TANC2: variants seen among roughly 807,000 people sequenced by gnomAD.
The protein encoded by TANC2 is protein TANC2.
In TANC2, 26 loss-of-function variants were observed where a neutral mutation model predicts 210.5. The ratio of observed to expected loss-of-function variants is 0.12; its 90% CI spans 0.09 to 0.17. The LOEUF is 0.17. TANC2 is among the 10% of genes least tolerant of loss of function. TANC2 has a pLI of 1.00. For synonymous variants in TANC2, 931 were observed against 967.1 expected (o/e 0.96, Z 0.69); for missense variants, 2,129 against 2,608.9 (o/e 0.82, Z 4.01).
At chr17:63,376,963 G>A (rs1193365181) in intron 14 of TANC2, among the ~76,000 whole-genome samples, 1 of 152,022 alleles carries the variant, frequency 6.6e-6, no homozygotes. Flanking sequence ...GACTACAGGT[G>A]CCCACCACCA....
At chr17:63,203,672 A>G (rs1417617788) in intron 7 of TANC2, among the ~76,000 whole-genome samples, 2 of 152,208 alleles carry the variant, frequency 1.3e-5, no homozygotes, top group Non-Finnish European at 2.9e-5. Context: ...AGTTTTGGGA[A>G]AAGAATAATC....
intron 14 of TANC2, among the ~76,000 whole-genome samples, chr17:63,358,397 G>GTC (rs1427241731): frequency 6.6e-6 from 1 of 151,746 alleles, no homozygotes; most frequent in East Asian, 1.9e-4. Context: ...GTGTGTGTGT[G>GTC]TGTGTGTGTG....
In TANC2 at chr17:63,119,591, A is replaced by T. The variant is rs1035205515; in HGVS notation, c.322+20234A>T. Among the ~76,000 whole-genome samples the T allele has an allele frequency of 3.3e-5, 5 of 152,362 alleles. No homozygotes were observed. In the East Asian group the frequency reaches 9.6e-4, roughly 29 times the overall value. On this transcript the variant is annotated intron_variant, in intron 4 of 27. Transcript: ENST00000689528. The stretch of plus-strand genomic sequence containing the variant: ...TGCAAGTAAATAAAATAGGAATTTT[A>T]AATTTTATGTATATTTAATAATTGT...
At chr17:63,284,681 A>G (rs2044167041) in intron 9 of TANC2, among the ~76,000 whole-genome samples, 2 of 152,058 alleles carry the variant, frequency 1.3e-5, no homozygotes, top group South Asian at 4.1e-4. Flanking sequence ...GTCTGTCTTC[A>G]TAAATGTTTC....
chr17:63,124,229 A>G (rs73341758), intron 4 of TANC2, among the ~76,000 whole-genome samples: 7,199 of 152,062 alleles, frequency 0.047, 542 homozygotes, highest in African/African-American at 0.16. Context: ...CTCTAACTTC[A>G]GTATCTGTTC....
chr17:63,121,922 G>T (rs1051388645), intron 4 of TANC2, among the ~76,000 whole-genome samples: 1 of 142,640 alleles, frequency 7.0e-6, no homozygotes, highest in Non-Finnish European at 1.5e-5. Context: ...AGCTGTGATT[G>T]TACCACTGCA....
chr17:63,063,567 TGTGTGTG>T (rs2036079705), intron 2 of TANC2, among the ~76,000 whole-genome samples: 1 of 120,780 alleles, frequency 8.3e-6, no homozygotes, highest in African/African-American at 3.9e-5. Context: ...TGTGTGTGTG[TGTGTGTG>T]TAGATATATC....
At chr17:63,332,824 A>G (rs1185359424) in intron 11 of TANC2, among the ~76,000 whole-genome samples, 1 of 152,172 alleles carries the variant, frequency 6.6e-6, no homozygotes, top group Non-Finnish European at 1.5e-5. Flanking sequence ...TTCATTTACC[A>G]TTCCAAAAAT....
chr17:63,257,801 G>T (rs72845225), intron 8 of TANC2, among the ~76,000 whole-genome samples: 22,807 of 152,084 alleles, frequency 0.15, 2,041 homozygotes, highest in Middle Eastern at 0.21. Context: ...TTTTAACTTT[G>T]TATTGTTTCT....
At chr17:63,165,897 T>G (rs2040195205) in intron 5 of TANC2, among the ~76,000 whole-genome samples, 1 of 152,178 alleles carries the variant, frequency 6.6e-6, no homozygotes, top group African/African-American at 2.4e-5. Flanking sequence ...AATAGAAACC[T>G]CAGTTTAAAA....
At position 63,302,945 on chromosome 17, in the gene TANC2, G is replaced by C. The variant is rs367924119; in HGVS notation, c.1160-11443G>C. Among the ~76,000 whole-genome samples the C allele has an allele frequency of 1.3e-4, 20 of 152,046 alleles. No homozygotes were observed. In the East Asian group the frequency reaches 1.9e-3, roughly 15 times the overall value. On this transcript the variant is annotated intron_variant, in intron 9 of 27. Transcript: ENST00000689528. ...TGCCTGGCTAATTTTTGTATTTTTA[G>C]TAGAGACAGTTTCGCCATGTTGGCC...
intron 21 of TANC2, among the ~76,000 whole-genome samples, chr17:63,410,811 A>C (rs1253472390): frequency 2.2e-5 from 3 of 136,594 alleles, no homozygotes; most frequent in African/African-American, 8.5e-5. Context: ...CAGTGAGCCA[A>C]GATTGGGCCA....
At position 63,395,729 on chromosome 17, in the gene TANC2, T is replaced by C. The variant is rs1488380776; in HGVS notation, c.3052-14T>C. ...AGTCTGTGTTCACACATATCTCCTG[T>C]CCTCTCCTCTTAGGTGGATCATTTG... On this transcript the variant is annotated splice_polypyrimidine_tract_variant and intron_variant, in intron 17 of 27. Coordinates refer to ENST00000689528, the Ensembl canonical transcript of TANC2. 1.2e-6 allele frequency: 2 copies of C among 1,611,920 alleles called. No individual in the cohort carries two copies. The highest frequency in any genetic ancestry group is 1.7e-5 in the Admixed American group (1 of 59,872).
At chr17:63,024,717 A>G (rs1381255542) in intron 2 of TANC2, among the ~76,000 whole-genome samples, 2 of 152,232 alleles carry the variant, frequency 1.3e-5, no homozygotes, top group Non-Finnish European at 2.9e-5. Context: ...TAATCTGTGT[A>G]GCAAATATGT....
intron 1 of TANC2, among the ~76,000 whole-genome samples, chr17:62,978,197 T>A (rs1317810825): frequency 6.6e-6 from 1 of 152,186 alleles, no homozygotes; most frequent in Non-Finnish European, 1.5e-5. Context: ...GCAAAATAAA[T>A]CTAGCCACGT....
intron 3 of TANC2, among the ~76,000 whole-genome samples, chr17:63,085,520 A>C (rs2036927972): frequency 6.6e-6 from 1 of 151,974 alleles, no homozygotes; most frequent in Non-Finnish European, 1.5e-5. Flanking sequence ...TGCAATATAT[A>C]TTTACATAAA....
intron 26 of TANC2, among the ~76,000 whole-genome samples, chr17:63,417,594 A>T (rs540007712): frequency 1.3e-5 from 2 of 152,312 alleles, no homozygotes; most frequent in East Asian, 3.9e-4. Context: ...AAAGGAACAG[A>T]TCAGAGAAGC....
chr17:63,134,920 AT>A (rs2039038372), intron 4 of TANC2, among the ~76,000 whole-genome samples: 1 of 152,152 alleles, frequency 6.6e-6, no homozygotes, highest in South Asian at 2.1e-4. Context: ...CATACTAACA[AT>A]TTTGACAACA....
intron 5 of TANC2, among the ~76,000 whole-genome samples, chr17:63,165,758 T>A (rs2040190060): frequency 6.6e-6 from 1 of 152,202 alleles, no homozygotes. Context: ...TCTTTCCACA[T>A]TTGAATGAAT....
Sources: gnomAD v4.1 joint callset for allele counts (sites outside exome capture counted in the v4.1 genomes callset) on GRCh38, gnomAD v4.1.1 for gene constraint, MANE v1.5 for transcripts, NCBI Gene and HGNC (gene_info 2026-07-23, HGNC 2026-07-21) for gene names.